AGBL4: variants seen among roughly 807,000 people sequenced by gnomAD.
The protein encoded by AGBL4 is AGBL carboxypeptidase 4, also known as cytosolic carboxypeptidase 6.
Under a neutral mutation model 66.4 loss-of-function variants are expected in AGBL4, and 58 were observed. That is an observed-to-expected ratio of 0.87 (90% CI 0.71 to 1.09). The LOEUF (loss-of-function observed/expected upper bound fraction) is 1.09. Among genes scored for constraint, AGBL4 ranks in the 50% least tolerant of loss-of-function variants. AGBL4 has a pLI of 0.00. For missense variants in AGBL4, 579 were observed against 631.0 expected (o/e 0.92, Z 0.88); for synonymous variants, 234 against 222.9 (o/e 1.05, Z -0.44).
At chr1:49,187,182 A>G (rs1409270701) in intron 4 of AGBL4, 1 of 152,190 alleles carries the variant, frequency 6.6e-6, no homozygotes, top group Non-Finnish European at 1.5e-5. Flanking sequence ...TTCTTGTGCC[A>G]GCTGTCTCTT....
intron 1 of AGBL4, among the ~76,000 whole-genome samples, chr1:49,903,589 A>T (rs1649983017): frequency 6.6e-6 from 1 of 152,216 alleles, no homozygotes; most frequent in South Asian, 2.1e-4. Flanking sequence ...GCCAACTGTA[A>T]AACAGGGGTT....
At chr1:49,950,446 T>C (rs1339858647) in intron 1 of AGBL4, among the ~76,000 whole-genome samples, 1 of 151,264 alleles carries the variant, frequency 6.6e-6, no homozygotes, top group Non-Finnish European at 1.5e-5. Context: ...GACTACAAAT[T>C]TGGTGCAGCA....
At chr1:49,485,348 A>G (rs1480084127) in intron 3 of AGBL4, among the ~76,000 whole-genome samples, 2 of 151,270 alleles carry the variant, frequency 1.3e-5, no homozygotes, top group Admixed American at 1.3e-4. Context: ...TCAGCAAACT[A>G]TCGCAAGGAC....
chr1:49,635,878 G>T (rs1019059114), intron 3 of AGBL4, among the ~76,000 whole-genome samples: 1 of 152,152 alleles, frequency 6.6e-6, no homozygotes, highest in African/African-American at 2.4e-5. Context: ...AAGTATGTAT[G>T]CAACAGATAT....
At chr1:49,263,541 T>C (rs1386736856) in intron 3 of AGBL4, among the ~76,000 whole-genome samples, 1 of 152,096 alleles carries the variant, frequency 6.6e-6, no homozygotes, top group Non-Finnish European at 1.5e-5. Context: ...GAATAGATGA[T>C]TACTCCACTA....
Position 49,111,279 on chromosome 1 carries a change from A to G in AGBL4, c.378-65479T>C, listed in dbSNP as rs189781244. Reference sequence around the variant, plus strand: ...AGGCGCCTGCCACCACGCCCGGCTAATTTTTTGTACTTTTAGTAGAGACGA... The same window carrying G: ...AGGCGCCTGCCACCACGCCCGGCTAGTTTTTTGTACTTTTAGTAGAGACGA... On this transcript the variant is annotated intron_variant, in intron 4 of 13. Coordinates refer to ENST00000371839, the MANE Select transcript of AGBL4 (RefSeq NM_032785.4). 2.0e-3 allele frequency among the ~76,000 whole-genome samples: 306 copies of G among 152,068 alleles called. 2 individuals are homozygous for G. Among genetic ancestry groups the G allele is most frequent in the African/African-American group, 7.1e-3 (296 of 41,472 alleles).
intron 6 of AGBL4, among the ~76,000 whole-genome samples, chr1:48,848,862 C>A (rs1646974553): frequency 6.6e-6 from 1 of 152,154 alleles, no homozygotes; most frequent in Non-Finnish European, 1.5e-5. Context: ...ATTAGAGTGG[C>A]CAGGCAACAT....
chr1:48,680,631 C>G (rs74076227), intron 6 of AGBL4, among the ~76,000 whole-genome samples: 1 of 152,122 alleles, frequency 6.6e-6, no homozygotes, highest in Non-Finnish European at 1.5e-5. Flanking sequence ...GTGGCAAGGC[C>G]GAAGAAGAAT....
chr1:49,787,804 A>G (rs1218811136), intron 2 of AGBL4, among the ~76,000 whole-genome samples: 2 of 152,236 alleles, frequency 1.3e-5, no homozygotes, highest in East Asian at 1.9e-4. Context: ...TCCTCCAACA[A>G]TGAACTGTGA....
intron 5 of AGBL4, among the ~76,000 whole-genome samples, chr1:48,952,492 G>A (rs984829511): frequency 6.6e-6 from 1 of 152,244 alleles, no homozygotes; most frequent in Non-Finnish European, 1.5e-5. Flanking sequence ...AAAGTGGTTA[G>A]TGAAGTCCTC....
chr1:49,802,282 T>C (rs1644879911), intron 2 of AGBL4, among the ~76,000 whole-genome samples: 1 of 152,136 alleles, frequency 6.6e-6, no homozygotes. Flanking sequence ...CCTGTCTATA[T>C]GGATAAGATA....
At chr1:48,858,979 G>A (rs572842099) in intron 6 of AGBL4, among the ~76,000 whole-genome samples, 4 of 151,886 alleles carry the variant, frequency 2.6e-5, no homozygotes, top group African/African-American at 4.8e-5. Flanking sequence ...ACTTCCCTAT[G>A]GGAAGATTGC....
intron 4 of AGBL4, among the ~76,000 whole-genome samples, chr1:49,094,196 G>A (rs142410626): frequency 2.0e-5 from 3 of 152,106 alleles, no homozygotes; most frequent in East Asian, 1.9e-4. Flanking sequence ...TAAAACATAT[G>A]GGCAGTAGGT....
At chr1:49,195,833 T>G (rs997469772) in intron 4 of AGBL4, among the ~76,000 whole-genome samples, 2 of 152,108 alleles carry the variant, frequency 1.3e-5, no homozygotes, top group African/African-American at 4.8e-5. Context: ...CATCTTGAAT[T>G]GTAATCTCCA....
chr1:48,969,093 TCTCCCTCC>T (rs1013838174), intron 5 of AGBL4, among the ~76,000 whole-genome samples: 1 of 96,912 alleles, frequency 1.0e-5, no homozygotes, highest in East Asian at 3.3e-4. Context: ...TCCCTCCCTC[TCTCCCTCC>T]CTCCCTCCCT....
At chr1:48,663,448 G>A (rs1646139163) in intron 6 of AGBL4, among the ~76,000 whole-genome samples, 1 of 152,156 alleles carries the variant, frequency 6.6e-6, no homozygotes, top group East Asian at 1.9e-4. Flanking sequence ...CCCTTTTGTT[G>A]GTACAACTGA....
At chr1:49,207,446 CTT>C (rs1648246109) in intron 4 of AGBL4, among the ~76,000 whole-genome samples, 2 of 77,642 alleles carry the variant, frequency 2.6e-5, no homozygotes, top group African/African-American at 9.9e-5. Context: ...CTTTCTTTTT[CTT>C]TCTTTCTTTT....
At chr1:49,334,186 A>G (rs1227779170) in intron 3 of AGBL4, among the ~76,000 whole-genome samples, 1 of 152,012 alleles carries the variant, frequency 6.6e-6, no homozygotes, top group Non-Finnish European at 1.5e-5. Flanking sequence ...CTGGCATGGC[A>G]AGTGCTGTTA....
At chr1:49,875,621 G>T (rs1390515277) in intron 1 of AGBL4, among the ~76,000 whole-genome samples, 3 of 149,268 alleles carry the variant, frequency 2.0e-5, no homozygotes, top group Non-Finnish European at 4.4e-5. Context: ...AAACATACGT[G>T]TACATGTGTC....
Sources: gnomAD v4.1 joint callset for allele counts (sites outside exome capture counted in the v4.1 genomes callset) on GRCh38, gnomAD v4.1.1 for gene constraint, MANE v1.5 for transcripts, NCBI Gene and HGNC (gene_info 2026-07-23, HGNC 2026-07-21) for gene names.